The following PDE1C variants were observed in gnomAD, a reference collection of about 807,000 sequenced individuals.
PDE1C encodes dual specificity calcium/calmodulin-dependent 3',5'-cyclic nucleotide phosphodiesterase 1C.
PDE1C carries 62 observed loss-of-function variants against 93.1 expected under a neutral mutation model. The ratio of observed to expected loss-of-function variants is 0.67; its 90% CI spans 0.54 to 0.82. PDE1C has a LOEUF of 0.82. Among genes scored for constraint, PDE1C ranks in the 40% least tolerant of loss-of-function variants. The pLI is 0.00. For missense variants in PDE1C, 742 were observed against 884.6 expected (o/e 0.84, Z 2.04); for synonymous variants, 325 against 310.1 (o/e 1.05, Z -0.50).
At chr7:31,684,228 C>A in the PDE1C span, among the ~76,000 whole-genome samples, 2 of 152,146 alleles carry the variant, frequency 1.3e-5, no homozygotes, top group Non-Finnish European at 2.9e-5. Flanking sequence ...GTAGACATGT[C>A]TATTCAAAGG....
intron 3 of PDE1C, among the ~76,000 whole-genome samples, chr7:32,118,340 A>T (rs1375872977): frequency 1.3e-5 from 2 of 152,234 alleles, no homozygotes; most frequent in African/African-American, 4.8e-5. Flanking sequence ...TCAAGAATAT[A>T]TAAGTGCTAA....
At chr7:31,901,740 A>G (rs1800005675) in intron 2 of PDE1C, among the ~76,000 whole-genome samples, 1 of 151,646 alleles carries the variant, frequency 6.6e-6, no homozygotes, top group African/African-American at 2.4e-5. Context: ...AAAAATAAAA[A>G]CAATACAGCA....
chr7:31,737,331 TACC>T, the PDE1C span, among the ~76,000 whole-genome samples: 1 of 152,088 alleles, frequency 6.6e-6, no homozygotes, highest in Non-Finnish European at 1.5e-5. Context: ...GATAAATGAA[TACC>T]ACCACCATTA....
At chr7:32,277,614 T>G (rs1811366003) in intron 1 of PDE1C, among the ~76,000 whole-genome samples, 1 of 152,192 alleles carries the variant, frequency 6.6e-6, no homozygotes, top group African/African-American at 2.4e-5. Context: ...AGACTTCAGC[T>G]CTTGATGTAG....
chr7:31,626,762 T>C, the PDE1C span, among the ~76,000 whole-genome samples: 3 of 152,166 alleles, frequency 2.0e-5, no homozygotes, highest in African/African-American at 7.2e-5. Flanking sequence ...CTACACATGC[T>C]CAGAGTTCAT....
chr7:31,957,827 G>GA (rs1475019175), intron 2 of PDE1C, among the ~76,000 whole-genome samples: 10 of 152,200 alleles, frequency 6.6e-5, no homozygotes, highest in Admixed American at 3.3e-4. Flanking sequence ...CATCTGTTGT[G>GA]AAGCCACTAA....
At chr7:31,914,794 CT>C (rs968192780) in intron 2 of PDE1C, among the ~76,000 whole-genome samples, 9 of 152,104 alleles carry the variant, frequency 5.9e-5, no homozygotes, top group African/African-American at 1.7e-4. Flanking sequence ...GCAAAAATTG[CT>C]GTCCAATTAA....
chr7:32,086,242 C>G (rs1225894254), intron 3 of PDE1C, among the ~76,000 whole-genome samples: 1 of 148,336 alleles, frequency 6.7e-6, no homozygotes, highest in Non-Finnish European at 1.5e-5. Context: ...CATGAGTGAA[C>G]TCCCATTCAC....
chr7:32,391,467 T>C (rs1784749188), intron 1 of PDE1C, among the ~76,000 whole-genome samples: 1 of 152,136 alleles, frequency 6.6e-6, no homozygotes, highest in African/African-American at 2.4e-5. Context: ...AGCAAGAGTA[T>C]AGAGAATTCA....
At chr7:31,929,608 T>G (rs182523458) in intron 2 of PDE1C, among the ~76,000 whole-genome samples, 1 of 152,156 alleles carries the variant, frequency 6.6e-6, no homozygotes, top group East Asian at 1.9e-4. Flanking sequence ...TGCAATCAAA[T>G]TAGAACTCAG....
chr7:32,131,463 T>A (rs991517575), intron 3 of PDE1C, among the ~76,000 whole-genome samples: 2 of 152,118 alleles, frequency 1.3e-5, no homozygotes, highest in Admixed American at 6.5e-5. Context: ...ATTTTAAATA[T>A]TTAAATACTT....
intron 2 of PDE1C, among the ~76,000 whole-genome samples, chr7:32,001,301 G>A (rs1785424577): frequency 1.3e-5 from 2 of 152,160 alleles, no homozygotes; most frequent in Admixed American, 6.5e-5. Context: ...TGTTTTTTAA[G>A]TGAGTTTTAA....
At position 32,077,002 on chromosome 7, in the gene PDE1C, C is replaced by CAA. The variant is rs1563290549; in HGVS notation, c.308+92782_308+92783insTT. On this transcript the variant is annotated intron_variant, in intron 3 of 18. Coordinates refer to the PDE1C transcript ENST00000396193. ...CTGTAATCCCAGTACTTTTGGAGGC[C>CAA]GAGGCAGGCAGATTGCCTGAGGTCA... Among the ~76,000 whole-genome samples the CAA allele has an allele frequency of 4.5e-4, 68 of 151,344 alleles. 2 individuals are homozygous for CAA. The highest frequency in any genetic ancestry group is 1.5e-3 in the African/African-American group (63 of 41,274).
chr7:32,007,222 C>A (rs1343856414), intron 2 of PDE1C, among the ~76,000 whole-genome samples: 1 of 152,188 alleles, frequency 6.6e-6, no homozygotes, highest in Non-Finnish European at 1.5e-5. Context: ...TTGCCATTTT[C>A]TGTTCAGTAC....
At chr7:32,188,964 G>A (rs1269874517) in intron 2 of PDE1C, among the ~76,000 whole-genome samples, 1 of 152,138 alleles carries the variant, frequency 6.6e-6, no homozygotes, top group Non-Finnish European at 1.5e-5. Flanking sequence ...ATCACAATAA[G>A]CAATGCATAA....
Position 32,232,728 on chromosome 7 carries a change from T to G in PDE1C, c.86-23189A>C, listed in dbSNP as rs542558192. On this transcript the variant is annotated intron_variant, in intron 1 of 18. Coordinates refer to the PDE1C transcript ENST00000396193. ...TGACTGTAAGCAGCATACCATAGGC[T>G]TTATGAACTGAGCTAATGGATAGAC... Among the ~76,000 whole-genome samples the G allele has an allele frequency of 3.9e-5, 6 of 152,320 alleles. No individual in the cohort carries two copies. The South Asian group carries it at 1.2e-3, about 32-fold the overall frequency.
At chr7:31,740,733 C>A in the PDE1C span, among the ~76,000 whole-genome samples, 2 of 152,134 alleles carry the variant, frequency 1.3e-5, no homozygotes, top group African/African-American at 4.8e-5. Context: ...GCAATGGATT[C>A]ATGTACTAAT....
At chr7:32,427,896 TGCCTCGCCAACTTCGGCAGCTCTTCTC>T (rs2128101230) in exon 1 of PDE1C, 1 of 152,436 alleles carries the variant, frequency 6.6e-6, no homozygotes, top group African/African-American at 2.4e-5. Context: ...GGACAGCTCC[TGCCTCGCCAACTTCGGCAGCTCTTCTC>T]GATGTCTCGC....
intron 3 of PDE1C, among the ~76,000 whole-genome samples, chr7:32,087,837 T>C (rs1477725997): frequency 2.1e-5 from 3 of 146,116 alleles, no homozygotes; most frequent in African/African-American, 7.6e-5. Context: ...AACATCACAC[T>C]CTAGGGACTG....
Sources: gnomAD v4.1 joint callset for allele counts (sites outside exome capture counted in the v4.1 genomes callset) on GRCh38, gnomAD v4.1.1 for gene constraint, MANE v1.5 for transcripts, NCBI Gene and HGNC (gene_info 2026-07-23, HGNC 2026-07-21) for gene names.